NDRG4: variants seen among roughly 807,000 people sequenced by gnomAD.
The protein encoded by NDRG4 is NDRG family member 4.
In NDRG4, 38 loss-of-function variants were observed where a neutral mutation model predicts 55.8. The ratio of observed to expected loss-of-function variants is 0.68; its 90% confidence interval spans 0.53 to 0.89. The LOEUF (loss-of-function observed/expected upper bound fraction) is 0.89, where lower values mean the gene tolerates loss of function less well. Ranked by LOEUF, NDRG4 falls within the 40% of genes least tolerant of loss-of-function variation. NDRG4 has a pLI of 0.00. For missense variants in NDRG4, 455 were observed against 468.6 expected (o/e 0.97, Z 0.27); for synonymous variants, 190 against 182.7 (o/e 1.04, Z -0.32).
intron 1 of NDRG4, among the ~76,000 whole-genome samples, chr16:58,478,697 G>GT (rs59525801): frequency 0.12 from 16,052 of 137,696 alleles, 1,629 homozygotes; most frequent in African/African-American, 0.26. Flanking sequence ...TTTGTTTTTT[G>GT]TTTTTTTTTT....
chr16:58,464,588 G>A lies in NDRG4; in HGVS notation c.-24+791G>A. On this transcript the variant is annotated intron_variant, in intron 1 of 15. Transcript: ENST00000258187. This position sits in a 1 kb window ranked among gnomAD's most constrained non-coding sequence, Gnocchi z 4.8. Reference sequence around the variant, plus strand: ...AGGAAGGGGTGCGGACCCCAACTAAGTCCTAGTTTTGTGCTACCTGTTTGT... The same window carrying A: ...AGGAAGGGGTGCGGACCCCAACTAAATCCTAGTTTTGTGCTACCTGTTTGT... 9.8e-7 allele frequency: 1 copy of A among 1,021,968 alleles called. No homozygotes were observed. The highest frequency in any genetic ancestry group is 3.3e-5 in the South Asian group (1 of 30,574). The allele number at this position is 1,021,968 out of a possible 1,614,324, so 63.3% of individuals were successfully genotyped here. A position where few individuals can be genotyped will look rare whatever the true frequency, so the allele number is the denominator to read the frequency against.
intron 14 of NDRG4, 84 bp from the exon 15 acceptor site, chr16:58,511,338 C>T (rs866884435): frequency 1.2e-5 from 18 of 1,445,942 alleles, no homozygotes; most frequent in Admixed American, 4.3e-5. Context: ...GTTCGCTGGC[C>T]GCTTTGCTTG....
At position 58,468,642 on chromosome 16, in the gene NDRG4, AC is replaced by A. The variant is rs1597034828; in HGVS notation, c.-24+4847del. Among the ~76,000 whole-genome samples the A allele has an allele frequency of 2.0e-5, 3 of 152,180 alleles. No individual in the cohort carries two copies. In the East Asian group the frequency reaches 5.8e-4, roughly 29 times the overall value. On this transcript the variant is annotated intron_variant, in intron 1 of 15. Transcript: ENST00000258187. ...AGGCTGAGGCAGGAGAATTGCTTGA[AC>A]CTGAGATTAGGAGGTTGCAGTGAGC...
Position 58,464,120 on chromosome 16 carries a change from C to T in NDRG4, c.-24+323C>T. ...TGTTCGGGCGGCGGGCACGGGGGACCACCTCCCACGGTGTCACCGCACCCA... is the reference window on the plus strand; with the variant it reads ...TGTTCGGGCGGCGGGCACGGGGGACTACCTCCCACGGTGTCACCGCACCCA... On this transcript the variant is annotated intron_variant, in intron 1 of 15. Transcript: ENST00000258187. The surrounding 1 kb of genome is among the most constrained non-coding windows in gnomAD (Gnocchi z 4.8). 3.1e-6 allele frequency: 1 copy of T among 323,542 alleles called. No individual in the cohort carries two copies. Among genetic ancestry groups the T allele is most frequent in the Non-Finnish European group, 5.6e-6 (1 of 178,780 alleles). 20.0% of individuals were successfully genotyped at this position (323,542 alleles called of 1,614,324 possible).
rs543807300 is a variant in NDRG4, at chr16:58,466,126, C to T, written c.-24+2329C>T. Among the ~76,000 whole-genome samples, 8 of 152,336 alleles carry T rather than the reference C, an allele frequency of 5.3e-5. No homozygotes were observed. In the East Asian group the frequency reaches 7.7e-4, roughly 15 times the overall value. On this transcript the variant is annotated intron_variant, in intron 1 of 15. Transcript: ENST00000258187. ...CCGTCTCCCAGGATCAAGGGATTCT[C>T]GTGCCTCAGCTTCTCAAGTAGCTGG... is the stretch of plus-strand genomic sequence containing the variant.
At chr16:58,496,208 G>C (rs75382570), upstream of NDRG4, among the ~76,000 whole-genome samples, 1 of 152,048 alleles carries the variant, frequency 6.6e-6, no homozygotes, top group Admixed American at 6.5e-5. Flanking sequence ...TCCTGGAGTC[G>C]TGGAGGAGAC....
At chr16:58,506,126 G>A (rs943690512) in intron 5 of NDRG4, 2 of 635,634 alleles carry the variant, frequency 3.1e-6, no homozygotes, top group African/African-American at 2.0e-5. Context: ...TGATTCTGTT[G>A]AAAGAGCGTG....
intron 12 of NDRG4, 41 bp downstream of exon 12, chr16:58,509,230 G>A: frequency 6.2e-7 from 1 of 1,613,926 alleles, no homozygotes. Context: ...CTATGGGGAG[G>A]GGGAAGCCTC....
At chr16:58,509,120 C>T in intron 11 of NDRG4, 34 bp from the exon 12 acceptor site, 1 of 1,613,968 alleles carries the variant, frequency 6.2e-7, no homozygotes, top group Non-Finnish European at 8.5e-7. Flanking sequence ...GGAGTGAGGG[C>T]CCTGCTCAGG....
At chr16:58,468,143 G>A (rs2032071967) in intron 1 of NDRG4, among the ~76,000 whole-genome samples, 1 of 152,204 alleles carries the variant, frequency 6.6e-6, no homozygotes, top group Admixed American at 6.5e-5. Context: ...GGGACTAGAA[G>A]GAGACCCATG....
chr16:58,508,653 G>A (rs181304038), intron 10 of NDRG4, among the ~76,000 whole-genome samples: 5 of 152,276 alleles, frequency 3.3e-5, no homozygotes, highest in Non-Finnish European at 5.9e-5. Flanking sequence ...CCTCACTGCC[G>A]AGGGCACTGG....
At chr16:58,480,720 A>G (rs965590189) in intron 1 of NDRG4, among the ~76,000 whole-genome samples, 1 of 152,222 alleles carries the variant, frequency 6.6e-6, no homozygotes, top group Non-Finnish European at 1.5e-5. Flanking sequence ...GGACAAATGA[A>G]CAAGATCAGG....
chr16:58,506,013 C>T (rs149478238), intron 5 of NDRG4: 7,406 of 348,748 alleles, frequency 0.021, 502 homozygotes, highest in African/African-American at 0.15. Flanking sequence ...TGAGCCACGG[C>T]GCCTGGCCAG....
rs563597174 is a variant in NDRG4, at chr16:58,467,998, G to T, written c.-24+4201G>T. On this transcript the variant is annotated intron_variant, in intron 1 of 15. Coordinates refer to the NDRG4 transcript ENST00000258187. ...TTCTCACAACAGTCCAGGCCTCTCT[G>T]AGCTGTGTCTCTGGGGGACCCTACT... 2.6e-5 allele frequency among the ~76,000 whole-genome samples: 4 copies of T among 152,310 alleles called. No individual in the cohort carries two copies. The East Asian group carries it at 7.7e-4, about 29-fold the overall frequency.
At chr16:58,508,225 A>G (rs1322656724) in intron 10 of NDRG4, among the ~76,000 whole-genome samples, 1 of 152,212 alleles carries the variant, frequency 6.6e-6, no homozygotes, top group Non-Finnish European at 1.5e-5. Context: ...AGCTGGGGCC[A>G]GGGCTGGGCC....
rs542256883 is a variant in NDRG4 at position 58,504,094 on chromosome 16, G to A, written c.128-60G>A. On this transcript the variant is annotated intron_variant, in intron 2 of 14. Coordinates refer to ENST00000570248, the MANE Select transcript of NDRG4 (RefSeq NM_001242835.2). Reference sequence around the variant, plus strand: ...TGCCTTGCCTGCCCTCTGGGGGCCCGGCCTTCCTTCCAGTCCCCCGGCCCC... The same window carrying A: ...TGCCTTGCCTGCCCTCTGGGGGCCCAGCCTTCCTTCCAGTCCCCCGGCCCC... The A allele has an allele frequency of 2.9e-5, 46 of 1,606,290 alleles. No homozygotes were observed. In the African/African-American group the frequency reaches 3.1e-4, roughly 11 times the overall value.
rs2037444222 is a variant in NDRG4 at position 58,503,601 on chromosome 16, C to T, written c.22-197C>T. 3.8e-6 allele frequency: 4 copies of T among 1,041,446 alleles called. No individual in the cohort carries two copies. In the Admixed American group the frequency reaches 6.0e-5, roughly 16 times the overall value. The allele number at this position is 1,041,446 out of a possible 1,614,324, so 64.5% of individuals were successfully genotyped here. A position where few individuals can be genotyped will look rare whatever the true frequency, so the allele number is the denominator to read the frequency against. On this transcript the variant is annotated intron_variant, in intron 1 of 14. Transcript: ENST00000570248. Reference sequence around the variant, plus strand: ...CCATGCAGATCAGTTCACATTGTCTCTGTACTGAACAGCCCTGAGAAGGGG... The same window carrying T: ...CCATGCAGATCAGTTCACATTGTCTTTGTACTGAACAGCCCTGAGAAGGGG...
chr16:58,499,863 G>T (rs940215594), upstream of NDRG4: 18 of 375,598 alleles, frequency 4.8e-5, no homozygotes, highest in Non-Finnish European at 8.6e-5. Flanking sequence ...GGAGGATCCC[G>T]TGTGAGCTGC....
chr16:58,495,813 C>T (rs2036338264), upstream of NDRG4, among the ~76,000 whole-genome samples: 1 of 152,186 alleles, frequency 6.6e-6, no homozygotes, highest in African/African-American at 2.4e-5. Flanking sequence ...TGTACATGTG[C>T]TCAGATCCTC....
Sources: gnomAD v4.1 joint callset for allele counts (sites outside exome capture counted in the v4.1 genomes callset) on GRCh38, gnomAD v4.1.1 for gene constraint, Gnocchi (gnomAD v3.1) non-coding constraint, MANE v1.5 for transcripts, NCBI Gene and HGNC (gene_info 2026-07-23, HGNC 2026-07-21) for gene names.